CNTN5: variants seen among roughly 807,000 people sequenced by gnomAD.
The protein encoded by CNTN5 is contactin 5.
A neutral mutation model predicts 129.1 loss-of-function variants in CNTN5; 77 were observed. The ratio of observed to expected loss-of-function variants is 0.60; its 90% CI spans 0.50 to 0.72. The LOEUF is 0.72. CNTN5 is among the 30% of genes least tolerant of loss of function. The pLI is 0.00. For synonymous variants in CNTN5, 509 were observed against 465.6 expected, an observed-to-expected ratio of 1.09 and a Z score of -1.20; for missense variants, 1,478 against 1,328.8, an observed-to-expected ratio of 1.11 and a Z score of -1.75.
intron 9 of CNTN5, chr11:100,004,018 T>C (rs1940041176): frequency 6.6e-6 from 1 of 152,182 alleles, no homozygotes; most frequent in South Asian, 2.1e-4. Context: ...TTACAGCACA[T>C]TGTCTTGTGG....
intron 9 of CNTN5, among the ~76,000 whole-genome samples, chr11:100,019,037 C>T (rs953514118): frequency 5.9e-5 from 9 of 151,948 alleles, no homozygotes; most frequent in Admixed American, 3.3e-4. Context: ...GTTTAAAATT[C>T]TGGAAACAAG....
chr11:100,216,327 T>A (rs1387997410), intron 15 of CNTN5, among the ~76,000 whole-genome samples: 1 of 152,068 alleles, frequency 6.6e-6, no homozygotes, highest in Non-Finnish European at 1.5e-5. Context: ...AAAATGTAAT[T>A]TATCCTGGAA....
In CNTN5 at chr11:100,149,571, C is replaced by A. The variant is rs1023484708; in HGVS notation, c.1581-41555C>A. Among the ~76,000 whole-genome samples the A allele has an allele frequency of 4.6e-5, 7 of 152,098 alleles. No homozygotes were observed. The East Asian group carries it at 1.4e-3, about 29-fold the overall frequency. On this transcript the variant is annotated intron_variant, in intron 13 of 24. Coordinates refer to ENST00000524871, the MANE Select transcript of CNTN5 (RefSeq NM_014361.4). ...AAATAAAATATACATTTGGGTGTAG[C>A]ACAATGTCATGGCACAAATGATATT... is the stretch of plus-strand genomic sequence containing the variant.
chr11:100,259,346 G>A (rs1950148446), intron 17 of CNTN5, among the ~76,000 whole-genome samples: 1 of 152,064 alleles, frequency 6.6e-6, no homozygotes, highest in Non-Finnish European at 1.5e-5. Flanking sequence ...CAATAATAGT[G>A]GGAGACTTTA....
intron 15 of CNTN5, among the ~76,000 whole-genome samples, chr11:100,198,010 A>C (rs1948690074): frequency 6.6e-6 from 1 of 151,892 alleles, no homozygotes. Context: ...CTGAAGAATA[A>C]GACTTTTCCA....
chr11:99,166,986 G>A (rs1366861669), intron 1 of CNTN5, among the ~76,000 whole-genome samples: 3 of 152,046 alleles, frequency 2.0e-5, no homozygotes, highest in African/African-American at 7.2e-5. Context: ...CTTACCTTTA[G>A]AGTTAATTGC....
chr11:99,258,244 T>C (rs1327626908), intron 1 of CNTN5, among the ~76,000 whole-genome samples: 2 of 152,016 alleles, frequency 1.3e-5, no homozygotes, highest in Non-Finnish European at 1.5e-5. Flanking sequence ...GATTATTTCA[T>C]CACCCAAATA....
intron 1 of CNTN5, among the ~76,000 whole-genome samples, chr11:99,062,224 A>T (rs534504515): frequency 1.3e-5 from 2 of 152,188 alleles, no homozygotes; most frequent in African/African-American, 2.4e-5. Flanking sequence ...AATCTAAAGA[A>T]TTCAAGACAA....
intron 4 of CNTN5, among the ~76,000 whole-genome samples, chr11:99,832,954 A>T (rs1204676532): frequency 1.3e-5 from 2 of 152,106 alleles, no homozygotes; most frequent in African/African-American, 4.8e-5. Flanking sequence ...ACAGAAGTTG[A>T]TGTAGATGTA....
chr11:100,232,654 G>A (rs192008703), intron 16 of CNTN5, among the ~76,000 whole-genome samples: 9 of 152,232 alleles, frequency 5.9e-5, no homozygotes, highest in Non-Finnish European at 7.4e-5. Flanking sequence ...TTATCCCTTC[G>A]TTCATTCAGT....
At chr11:100,007,960 A>T (rs753257788) in intron 9 of CNTN5, among the ~76,000 whole-genome samples, 1 of 151,968 alleles carries the variant, frequency 6.6e-6, no homozygotes, top group Admixed American at 6.6e-5. Context: ...AGGGTTATTA[A>T]TTGGCTTAAT....
intron 1 of CNTN5, among the ~76,000 whole-genome samples, chr11:99,081,951 AT>A (rs1865817764): frequency 6.6e-6 from 1 of 152,196 alleles, no homozygotes; most frequent in Non-Finnish European, 1.5e-5. Flanking sequence ...TTCATAGATA[AT>A]ATAACATACA....
rs113458728 is a variant in CNTN5, at chr11:100,267,253, C to CCACACACACACACACACACACACA, written c.2165-3834_2165-3811dup. Among the ~76,000 whole-genome samples the CCACACACACACACACACACACACA allele has an allele frequency of 2.8e-5, 4 of 143,852 alleles. No individual in the cohort carries two copies. The East Asian group carries it at 8.8e-4, about 32-fold the overall frequency. 94.4% of individuals were successfully genotyped at this position (143,852 alleles called of 152,430 possible). ...CCTTCTTTGTTTTCACATGAATCAACCACACACACACACACACACACACAC... is the reference window on the plus strand; with the variant it reads ...CCTTCTTTGTTTTCACATGAATCAACCACACACACACACACACACACACACACACACACACACACACACACACAC... On this transcript the variant is annotated intron_variant, in intron 17 of 24. Transcript: ENST00000524871.
At chr11:100,296,028 G>A (rs959289561) in intron 18 of CNTN5, among the ~76,000 whole-genome samples, 11 of 151,478 alleles carry the variant, frequency 7.3e-5, no homozygotes, top group African/African-American at 2.7e-4. Flanking sequence ...ATTTGACTAT[G>A]CTTTGATGGT....
intron 8 of CNTN5, among the ~76,000 whole-genome samples, chr11:99,986,957 G>A (rs1938719691): frequency 6.6e-6 from 1 of 152,056 alleles, no homozygotes; most frequent in South Asian, 2.1e-4. Flanking sequence ...GAAATGGAGA[G>A]AACATCAGCT....
chr11:99,742,579 T>C (rs1943921160), intron 3 of CNTN5, among the ~76,000 whole-genome samples: 1 of 152,176 alleles, frequency 6.6e-6, no homozygotes, highest in African/African-American at 2.4e-5. Context: ...AATTCTGTCA[T>C]TTATAGCTTT....
Position 99,658,165 on chromosome 11 carries a change from TACTC to T in CNTN5, c.55+101898_55+101901del, listed in dbSNP as rs969648488. ...ACACAAAAGCAAAACAAAAAAAAAT[TACTC>T]AGGTTGCAACAAGTAATCTGAAAAG... On this transcript the variant is annotated intron_variant, in intron 3 of 24. Transcript: ENST00000524871. Among the ~76,000 whole-genome samples, 110 of 152,114 alleles carry T rather than the reference TACTC, an allele frequency of 7.2e-4. 2 individuals are homozygous for T. Among genetic ancestry groups the T allele is most frequent in the Admixed American group, 7.1e-3 (108 of 15,260 alleles).
chr11:99,444,206 A>AAG (rs555728380), intron 2 of CNTN5, among the ~76,000 whole-genome samples: 19 of 151,572 alleles, frequency 1.3e-4, no homozygotes, highest in East Asian at 1.9e-4. Flanking sequence ...CTCAAAAAGA[A>AAG]AGAGAGAGAG....
chr11:99,033,798 A>G (rs1251509479), intron 1 of CNTN5, among the ~76,000 whole-genome samples: 1 of 152,038 alleles, frequency 6.6e-6, no homozygotes, highest in East Asian at 1.9e-4. Context: ...AGAACTTCCA[A>G]CACTATGGTG....
Sources: allele counts gnomAD v4.1 joint callset (sites outside exome capture counted in the v4.1 genomes callset), GRCh38; gene constraint gnomAD v4.1.1; transcripts MANE v1.5; gene names NCBI Gene and HGNC (gene_info 2026-07-23, HGNC 2026-07-21).